DENND10: variants seen among roughly 807,000 people sequenced by gnomAD.
The protein encoded by DENND10 is DENN domain containing 10.
DENND10 carries 24 observed loss-of-function variants against 43.6 expected under a neutral mutation model. That is an observed-to-expected ratio of 0.55 (90% confidence interval 0.40 to 0.77). DENND10 has a LOEUF of 0.77. Ranked by LOEUF, DENND10 falls within the 30% of genes least tolerant of loss-of-function variation. The pLI is 0.00. For synonymous variants in DENND10, 125 were observed against 157.6 expected, an observed-to-expected ratio of 0.79 and a Z score of 1.55; for missense variants, 303 against 429.9, an observed-to-expected ratio of 0.70 and a Z score of 2.61.
chr10:119,113,602 A>G (rs1037774873), intron 3 of DENND10, among the ~76,000 whole-genome samples: 1 of 151,602 alleles, frequency 6.6e-6, no homozygotes, highest in Non-Finnish European at 1.5e-5. Flanking sequence ...CTGAGGGTGA[A>G]GGGAATTGTT....
At chr10:119,115,763 T>C (rs925166070) in intron 3 of DENND10, among the ~76,000 whole-genome samples, 1 of 148,542 alleles carries the variant, frequency 6.7e-6, no homozygotes, top group South Asian at 2.1e-4. Flanking sequence ...TTTCAAGTGA[T>C]CTTTTTTTTT....
At chr10:119,107,115 A>G (rs962132193) in intron 1 of DENND10, among the ~76,000 whole-genome samples, 2 of 152,004 alleles carry the variant, frequency 1.3e-5, no homozygotes, top group Non-Finnish European at 2.9e-5. Context: ...TCAGGAGTTC[A>G]AGACCAGCCT....
At chr10:119,109,318 CAT>C (rs1844862451) in intron 2 of DENND10, among the ~76,000 whole-genome samples, 1 of 151,826 alleles carries the variant, frequency 6.6e-6, no homozygotes, top group African/African-American at 2.4e-5. Context: ...ATCAGTGTGA[CAT>C]GTGGAAGACT....
chr10:119,126,802 T>C (rs974146726), intron 6 of DENND10, among the ~76,000 whole-genome samples: 4 of 152,200 alleles, frequency 2.6e-5, no homozygotes, highest in Non-Finnish European at 5.9e-5. Context: ...CTTGCTTTAT[T>C]GCCTGGGCTT....
intron 6 of DENND10, among the ~76,000 whole-genome samples, chr10:119,124,648 T>C (rs11198788): frequency 0.34 from 51,317 of 152,042 alleles, 9,671 homozygotes; most frequent in Non-Finnish European, 0.42. Flanking sequence ...CCTCCCACAC[T>C]GTTGGGATTA....
chr10:119,120,344 T>C lies in DENND10; in HGVS notation c.485T>C (p.Ile162Thr), dbSNP rs1393945852. Residue 162 changes from isoleucine to threonine, a missense_variant, in exon 5 of 9, where the codon ATT (isoleucine) becomes ACT (threonine). By Grantham distance (89) the Ile-to-Thr change is moderately conservative. Coordinates refer to ENST00000361432, the MANE Select transcript of DENND10 (RefSeq NM_207009.4). ...KAYLAGSIKD[I>T]VSQFGMETVI... ...TTACAATTTCTCTTTTTTGAAGACATTGTATCTCAGTTTGGAATGGAAACT... is the reference window on the plus strand; with the variant it reads ...TTACAATTTCTCTTTTTTGAAGACACTGTATCTCAGTTTGGAATGGAAACT... 4 of 1,581,922 alleles carry C rather than the reference T, an allele frequency of 2.5e-6. No individual in the cohort carries two copies. The highest frequency in any genetic ancestry group is 4.5e-5 in the East Asian group (2 of 44,720).
rs1033874286 is a variant in DENND10 at position 119,130,235 on chromosome 10, A to G, written c.802+613A>G. 9.9e-5 allele frequency among the ~76,000 whole-genome samples: 15 copies of G among 151,878 alleles called. 1 individual carries two copies. The East Asian group carries it at 2.9e-3, about 29-fold the overall frequency. On this transcript the variant is annotated intron_variant, in intron 7 of 8. Transcript: ENST00000361432. The stretch of plus-strand genomic sequence containing the variant: ...GAGTGCAATGGCACGATCTTGGCTC[A>G]CTGCAACCTCCGCCTCCCAGGTTCA...
chr10:119,117,718 AACACTTT>A, intron 4 of DENND10, 51 bp downstream of exon 4: 3 of 1,594,330 alleles, frequency 1.9e-6, no homozygotes, highest in Admixed American at 1.7e-5. Flanking sequence ...CTGTAATCCC[AACACTTT>A]GGGAGGCCAA....
intron 4 of DENND10, among the ~76,000 whole-genome samples, chr10:119,118,170 T>C (rs903322228): frequency 1.3e-5 from 2 of 152,180 alleles, no homozygotes; most frequent in South Asian, 4.1e-4. Context: ...TTCATATCAT[T>C]TGTACACAAG....
Position 119,132,606 on chromosome 10 carries a change from A to C in DENND10, c.894A>C (p.Ile298=). ...CAGAGAAATCAGAGAGCCACGTTAT[A>C]CAGGTAACTCCCTCACCTTCTGACT... The part of the protein sequence containing the change: ...EDPEKSESHV[I]QDIALKTREI... The change falls in exon 8 of 9, where the codon ATA becomes ATC. Residue 298 remains isoleucine (I), a synonymous_variant. Transcript: ENST00000361432. The surrounding 1 kb of genome is among the most constrained non-coding windows in gnomAD (Gnocchi z 4.2). 1 of 1,612,198 alleles carries C rather than the reference A, an allele frequency of 6.2e-7. No homozygotes were observed. Among genetic ancestry groups the C allele is most frequent in the Non-Finnish European group, 8.5e-7 (1 of 1,178,178 alleles).
intron 3 of DENND10, among the ~76,000 whole-genome samples, chr10:119,112,493 C>CTTTTTTTTTTTTTT (rs1353576739): frequency 2.2e-5 from 3 of 133,498 alleles, no homozygotes; most frequent in Admixed American, 7.6e-5. Context: ...TTTTCTTTTT[C>CTTTTTTTTTTTTTT]TTTTTTTTTT....
intron 8 of DENND10, among the ~76,000 whole-genome samples, chr10:119,135,818 C>CAAAAAAAAAAAAAAAAAAAAAAAAA (rs1174927246): frequency 5.2e-5 from 4 of 76,476 alleles, no homozygotes; most frequent in Middle Eastern, 7.9e-3. Flanking sequence ...AAAAAAAAAC[C>CAAAAAAAAAAAAAAAAAAAAAAAAA]AAAACCACAC....
At chr10:119,116,665 CTTTTTTT>C (rs71016543) in intron 3 of DENND10, among the ~76,000 whole-genome samples, 2 of 132,202 alleles carry the variant, frequency 1.5e-5, no homozygotes, top group Non-Finnish European at 3.3e-5. Context: ...TTCTTTCTTT[CTTTTTTT>C]TTTTTTTTTT....
intron 1 of DENND10, 100 bp from the exon 2 acceptor site, chr10:119,107,868 G>T (rs1844771805): frequency 1.9e-6 from 2 of 1,059,950 alleles, no homozygotes; most frequent in Non-Finnish European, 2.9e-6. Context: ...TTGTAAGATG[G>T]GATGTTAAAA....
intron 8 of DENND10, chr10:119,134,800 C>T (rs1048554201): frequency 6.6e-6 from 1 of 152,180 alleles, no homozygotes; most frequent in Non-Finnish European, 1.5e-5. Context: ...CAGCATTTCT[C>T]AAAAAGTTAA....
Position 119,137,094 on chromosome 10 carries a change from G to A in DENND10, c.*447G>A, listed in dbSNP as rs1408211085. The stretch of plus-strand genomic sequence containing the variant: ...TTCCTCCTGAGGAACTCTACTTTCT[G>A]AGCCAAACTGCTAATTTTCTGCGGA... On this transcript the variant is annotated 3_prime_UTR_variant, in exon 9 of 9. Transcript: ENST00000361432. 5 of 163,584 alleles carry A rather than the reference G, an allele frequency of 3.1e-5. No homozygotes were observed. Among genetic ancestry groups the A allele is most frequent in the Non-Finnish European group, 2.9e-5 (2 of 68,074 alleles). 10.1% of individuals were successfully genotyped at this position (163,584 alleles called of 1,614,324 possible). A position where few individuals can be genotyped will look rare whatever the true frequency, so the allele number is the denominator to read the frequency against.
intron 3 of DENND10, among the ~76,000 whole-genome samples, chr10:119,112,729 A>G (rs1171723247): frequency 6.6e-6 from 1 of 152,024 alleles, no homozygotes; most frequent in Non-Finnish European, 1.5e-5. Context: ...TCCTGAGCTC[A>G]AGTGATCTGC....
At chr10:119,109,738 C>A (rs1844888169) in intron 2 of DENND10, among the ~76,000 whole-genome samples, 1 of 151,538 alleles carries the variant, frequency 6.6e-6, no homozygotes, top group African/African-American at 2.4e-5. Context: ...CCTGCCTCAG[C>A]GTCCTGAGTA....
chr10:119,135,815 A>AC (rs951852951), intron 8 of DENND10, among the ~76,000 whole-genome samples: 1 of 138,028 alleles, frequency 7.2e-6, no homozygotes, highest in African/African-American at 2.6e-5. Flanking sequence ...AAAAAAAAAA[A>AC]ACCAAAACCA....
Sources: allele counts gnomAD v4.1 joint callset (sites outside exome capture counted in the v4.1 genomes callset), GRCh38; gene constraint gnomAD v4.1.1; non-coding constraint Gnocchi (gnomAD v3.1); transcripts MANE v1.5; gene names NCBI Gene and HGNC (gene_info 2026-07-23, HGNC 2026-07-21).